Variants in TEKT5 observed in about 807,000 individuals in gnomAD.
The protein encoded by TEKT5 is tektin 5, also known as tektin-5.
TEKT5 carries 52 observed loss-of-function variants against 48.7 expected under a neutral mutation model. The ratio of observed to expected loss-of-function variants is 1.07; its 90% CI spans 0.86 to 1.35. TEKT5 has a LOEUF of 1.35. TEKT5 is among the 40% of genes most tolerant of loss of function. The pLI, the probability that TEKT5 is intolerant of heterozygous loss-of-function variation, is 0.00. For missense variants in TEKT5, 831 were observed against 641.6 expected (o/e 1.30, Z -3.19); for synonymous variants, 318 against 267.6 (o/e 1.19, Z -1.84).
At chr16:10,639,743 G>T (rs1312913394) in intron 5 of TEKT5, among the ~76,000 whole-genome samples, 7 of 152,198 alleles carry the variant, frequency 4.6e-5, no homozygotes. Context: ...ATAAGCAAAG[G>T]TTTGTGTCTC....
chr16:10,665,253 G>T (rs544233645), intron 5 of TEKT5, among the ~76,000 whole-genome samples: 4 of 152,280 alleles, frequency 2.6e-5, no homozygotes, highest in African/African-American at 9.6e-5. Context: ...ACATTACCCG[G>T]GAGATGACAC....
chr16:10,667,862 G>A (rs1898483655), intron 5 of TEKT5, among the ~76,000 whole-genome samples: 1 of 129,264 alleles, frequency 7.7e-6, no homozygotes, highest in South Asian at 2.7e-4. Flanking sequence ...TAGGCAAAAT[G>A]GGAAAAATAA....
chr16:10,647,349 G>A (rs981857110), intron 5 of TEKT5, among the ~76,000 whole-genome samples: 1 of 151,878 alleles, frequency 6.6e-6, no homozygotes, highest in African/African-American at 2.4e-5. Context: ...GTGCACACCG[G>A]CGGTCCCAGC....
At chr16:10,679,779 C>T (rs1356758161) in intron 4 of TEKT5, among the ~76,000 whole-genome samples, 9 of 152,104 alleles carry the variant, frequency 5.9e-5, no homozygotes, top group African/African-American at 2.2e-4. Flanking sequence ...TGCCTGTAAT[C>T]CCAGCTACTC....
intron 1 of TEKT5, among the ~76,000 whole-genome samples, chr16:10,690,359 T>A (rs972440955): frequency 1.1e-4 from 17 of 152,148 alleles, no homozygotes; most frequent in Admixed American, 9.8e-4. Flanking sequence ...GAATAAAACT[T>A]CATAATAATT....
chr16:10,666,837 G>A (rs556284670), intron 5 of TEKT5, among the ~76,000 whole-genome samples: 2 of 152,296 alleles, frequency 1.3e-5, no homozygotes, highest in East Asian at 3.9e-4. Flanking sequence ...ACTGATGCGG[G>A]TGTGTTTTCC....
intron 4 of TEKT5, 54 bp from the exon 5 acceptor site, chr16:10,676,235 G>C: frequency 6.4e-7 from 1 of 1,556,782 alleles, no homozygotes; most frequent in Admixed American, 1.7e-5. Flanking sequence ...CAGAATCTGT[G>C]GTTTCTCCGC....
chr16:10,694,827 T>G lies in TEKT5; in HGVS notation c.47A>C (p.Lys16Thr). The part of the protein sequence containing the change: ...TTQTASYCGP[K>T]KCCGLTSLPA... Reference sequence around the variant, plus strand: ...CAGTGAGGTCAAGCCACAGCATTTCTTGGGACCACAGTAACTGGCGGTCTG... The same window carrying G: ...CAGTGAGGTCAAGCCACAGCATTTCGTGGGACCACAGTAACTGGCGGTCTG... The change falls in exon 1 of 7, where the codon AAG becomes ACG. Residue 16 changes from lysine (K) to threonine (T), a missense_variant. Physicochemically the swap from Lys to Thr is moderately conservative, Grantham distance 78. Coordinates refer to ENST00000283025, the MANE Select transcript of TEKT5 (RefSeq NM_144674.2). 2 of 1,603,108 alleles carry G rather than the reference T, an allele frequency of 1.2e-6. No homozygotes were observed. Among genetic ancestry groups the G allele is most frequent in the South Asian group, 2.2e-5 (2 of 89,380 alleles).
intron 5 of TEKT5, among the ~76,000 whole-genome samples, chr16:10,672,200 T>A (rs1462955594): frequency 6.6e-6 from 1 of 150,478 alleles, no homozygotes; most frequent in Non-Finnish European, 1.5e-5. Context: ...AAAATGGGTC[T>A]TTGCATGAAA....
chr16:10,651,109 G>A (rs1401809568), intron 5 of TEKT5, among the ~76,000 whole-genome samples: 2 of 152,176 alleles, frequency 1.3e-5, no homozygotes, highest in African/African-American at 4.8e-5. Flanking sequence ...CTGAGCAGGA[G>A]GGACAGTTTA....
chr16:10,673,847 T>G (rs1898593421), intron 5 of TEKT5, among the ~76,000 whole-genome samples: 1 of 151,848 alleles, frequency 6.6e-6, no homozygotes. Context: ...AGATGGAGTT[T>G]CACTATCTTG....
chr16:10,670,251 G>A (rs1364679166), intron 5 of TEKT5, among the ~76,000 whole-genome samples: 1 of 152,208 alleles, frequency 6.6e-6, no homozygotes, highest in East Asian at 1.9e-4. Context: ...TTCAGTCCGG[G>A]CACGGTGGCT....
chr16:10,664,711 T>C (rs1898430648), intron 5 of TEKT5, among the ~76,000 whole-genome samples: 2 of 152,180 alleles, frequency 1.3e-5, no homozygotes, highest in Non-Finnish European at 1.5e-5. Flanking sequence ...GTTCCTTTCT[T>C]ATAGATTAGG....
chr16:10,694,522 C>A lies in TEKT5; in HGVS notation c.352G>T (p.Asp118Tyr). 1 of 1,609,378 alleles carries A rather than the reference C, an allele frequency of 6.2e-7. No individual in the cohort carries two copies. ...TTGTCCTGCAAGAGCCTCATGGAGTCATCCGTCAGCCGGCTGGCCCACAGC... is the reference window on the plus strand; with the variant it reads ...TTGTCCTGCAAGAGCCTCATGGAGTAATCCGTCAGCCGGCTGGCCCACAGC... Reference protein sequence around the residue: ...SRLWASRLTDDSMRLLQDKDQ... With the variant: ...SRLWASRLTDYSMRLLQDKDQ... The change falls in exon 1 of 7, where the codon GAC becomes TAC. Residue 118 changes from aspartate (D) to tyrosine (Y), a missense_variant. Asp to Tyr is a radical substitution (Grantham distance 160). Transcript: ENST00000283025.
At chr16:10,667,484 C>G (rs754294700) in intron 5 of TEKT5, among the ~76,000 whole-genome samples, 1 of 152,202 alleles carries the variant, frequency 6.6e-6, no homozygotes, top group East Asian at 1.9e-4. Flanking sequence ...ACCTGACTTC[C>G]GTCTTCTGTG....
chr16:10,676,279 C>G, intron 4 of TEKT5, 98 bp from the exon 5 acceptor site: 1 of 1,182,626 alleles, frequency 8.5e-7, no homozygotes, highest in Non-Finnish European at 1.2e-6. Context: ...CGGGATTATT[C>G]TCTGTCCTGT....
intron 5 of TEKT5, among the ~76,000 whole-genome samples, chr16:10,668,724 T>A (rs2719691): frequency 0.34 from 51,920 of 152,050 alleles, 10,054 homozygotes; most frequent in East Asian, 0.54. Context: ...ACCAAAGCCC[T>A]TCAAGGTTAA....
intron 3 of TEKT5, among the ~76,000 whole-genome samples, chr16:10,685,033 G>A (rs577439044): frequency 5.9e-5 from 9 of 152,300 alleles, no homozygotes; most frequent in East Asian, 1.9e-4. Flanking sequence ...GCTGGCTCTC[G>A]GTTAATTAGT....
chr16:10,674,654 A>T (rs913710528), intron 5 of TEKT5, among the ~76,000 whole-genome samples: 2 of 150,432 alleles, frequency 1.3e-5, no homozygotes, highest in South Asian at 2.1e-4. Context: ...GAGAGAGAAG[A>T]AAAGAAAAAT....
Sources: allele counts gnomAD v4.1 joint callset (sites outside exome capture counted in the v4.1 genomes callset), GRCh38; gene constraint gnomAD v4.1.1; transcripts MANE v1.5; gene names NCBI Gene and HGNC (gene_info 2026-07-23, HGNC 2026-07-21).